Variants in PRKG2 observed in about 807,000 individuals in gnomAD.
The protein encoded by PRKG2 is protein kinase cGMP-dependent 2.
A neutral mutation model predicts 97.2 loss-of-function variants in PRKG2; 33 were observed. The ratio of observed to expected loss-of-function variants is 0.34; its 90% CI spans 0.26 to 0.45. The LOEUF (loss-of-function observed/expected upper bound fraction) is 0.45, where lower values mean the gene tolerates loss of function less well. Among genes scored for constraint, PRKG2 ranks in the 20% least tolerant of loss-of-function variants. The pLI, the probability that PRKG2 is intolerant of heterozygous loss-of-function variation, is 1.00. For synonymous variants in PRKG2, 330 were observed against 321.8 expected, an observed-to-expected ratio of 1.03 and a Z score of -0.27; for missense variants, 638 against 900.0, an observed-to-expected ratio of 0.71 and a Z score of 3.73.
At chr4:81,121,951 A>G (rs1044041292) in intron 14 of PRKG2, among the ~76,000 whole-genome samples, 1 of 152,190 alleles carries the variant, frequency 6.6e-6, no homozygotes, top group Admixed American at 6.5e-5. Context: ...CTTATACTCA[A>G]TATAAGTAAG....
chr4:81,163,849 A>G (rs1228014912), intron 6 of PRKG2, among the ~76,000 whole-genome samples: 1 of 146,262 alleles, frequency 6.8e-6, no homozygotes, highest in Non-Finnish European at 1.5e-5. Flanking sequence ...GATGATATAC[A>G]ACCAGATGTA....
At chr4:81,095,661 C>A (rs573912882) in intron 17 of PRKG2, among the ~76,000 whole-genome samples, 1 of 152,142 alleles carries the variant, frequency 6.6e-6, no homozygotes, top group African/African-American at 2.4e-5. Context: ...GTAATGCAAG[C>A]GCCAGCATGC....
At chr4:81,098,987 G>C (rs1475507934) in intron 17 of PRKG2, among the ~76,000 whole-genome samples, 2 of 152,118 alleles carry the variant, frequency 1.3e-5, no homozygotes, top group East Asian at 3.9e-4. Flanking sequence ...AGTAAGTAAA[G>C]CAAAGTGGGA....
At chr4:81,169,525 C>T in intron 5 of PRKG2, 138 bp downstream of exon 5, 1 of 651,228 alleles carries the variant, frequency 1.5e-6, no homozygotes, top group Non-Finnish European at 2.6e-6. Context: ...TTACTGCAAG[C>T]AATGTTCCTT....
At chr4:81,171,636 ATTATCT>A (rs1385859983) in intron 4 of PRKG2, 49 bp downstream of exon 4, 10 of 1,385,606 alleles carry the variant, frequency 7.2e-6, no homozygotes, top group Middle Eastern at 3.7e-4. Context: ...ACTGGACTAG[ATTATCT>A]TTAACATGCC....
chr4:81,117,659 TGGCG>T (rs1418592543), intron 14 of PRKG2, among the ~76,000 whole-genome samples: 5 of 152,214 alleles, frequency 3.3e-5, no homozygotes, highest in African/African-American at 4.8e-5. Flanking sequence ...TCTGGTAAAG[TGGCG>T]ATTTAGTAAA....
intron 2 of PRKG2, among the ~76,000 whole-genome samples, chr4:81,186,787 G>T (rs1578492546): frequency 6.6e-6 from 1 of 152,228 alleles, no homozygotes; most frequent in East Asian, 1.9e-4. Flanking sequence ...AAACGATAAA[G>T]GGGATATCAA....
At chr4:81,196,136 A>G (rs1752948074) in intron 2 of PRKG2, among the ~76,000 whole-genome samples, 1 of 152,198 alleles carries the variant, frequency 6.6e-6, no homozygotes, top group Non-Finnish European at 1.5e-5. Flanking sequence ...AGGAGCTGAG[A>G]GCAGCCCCAG....
At chr4:81,127,909 G>A (rs1352099084) in intron 14 of PRKG2, among the ~76,000 whole-genome samples, 2 of 152,030 alleles carry the variant, frequency 1.3e-5, no homozygotes, top group Non-Finnish European at 2.9e-5. Flanking sequence ...GTCTTCTGCT[G>A]GTTTTCAAAG....
At chr4:81,104,478 T>C (rs1173199406) in intron 16 of PRKG2, 46 bp from the exon 17 acceptor site, 1 of 882,086 alleles carries the variant, frequency 1.1e-6, no homozygotes, top group Non-Finnish European at 1.5e-6. Context: ...ATTATATTTA[T>C]AATAATTATA....
At chr4:81,089,970 C>A (rs1295506021) in intron 18 of PRKG2, among the ~76,000 whole-genome samples, 167 bp from the exon 19 acceptor site, 2 of 152,286 alleles carry the variant, frequency 1.3e-5, no homozygotes, top group Non-Finnish European at 2.9e-5. Flanking sequence ...CTAGTCTCAG[C>A]CTCATGAGAT....
intron 17 of PRKG2, among the ~76,000 whole-genome samples, chr4:81,095,155 G>C (rs1259034133): frequency 6.6e-6 from 1 of 152,146 alleles, no homozygotes; most frequent in East Asian, 1.9e-4. Flanking sequence ...TCTAAGCTTA[G>C]CAATAGAAAA....
At chr4:81,155,174 T>G (rs1748914842) in intron 6 of PRKG2, among the ~76,000 whole-genome samples, 1 of 67,466 alleles carries the variant, frequency 1.5e-5, no homozygotes, top group African/African-American at 5.0e-4. Flanking sequence ...CGAGACTCCG[T>G]CTCAAAAAAA....
At chr4:81,130,920 C>T (rs1314312678) in intron 14 of PRKG2, among the ~76,000 whole-genome samples, 1 of 152,168 alleles carries the variant, frequency 6.6e-6, no homozygotes, top group Non-Finnish European at 1.5e-5. Context: ...CTTGCTTGTC[C>T]CCATGGGGGT....
At chr4:81,138,251 G>C (rs183335845) in intron 12 of PRKG2, among the ~76,000 whole-genome samples, 242 of 152,292 alleles carry the variant, frequency 1.6e-3, no homozygotes, top group African/African-American at 5.6e-3. Context: ...GAAGCGGGAC[G>C]TAGGCAGGGC....
intron 13 of PRKG2, among the ~76,000 whole-genome samples, chr4:81,135,867 G>A (rs1746642152): frequency 6.6e-6 from 1 of 151,500 alleles, no homozygotes; most frequent in Non-Finnish European, 1.5e-5. Context: ...TTTGCCACAT[G>A]ATCTCACAGA....
intron 2 of PRKG2, among the ~76,000 whole-genome samples, chr4:81,189,715 A>G (rs1480171983): frequency 6.6e-6 from 1 of 151,664 alleles, no homozygotes; most frequent in Non-Finnish European, 1.5e-5. Flanking sequence ...TACATATGTA[A>G]CTAACCTGCA....
At chr4:81,113,588 C>T (rs1243693696) in intron 14 of PRKG2, among the ~76,000 whole-genome samples, 1 of 152,050 alleles carries the variant, frequency 6.6e-6, no homozygotes, top group Non-Finnish European at 1.5e-5. Context: ...GAAAAATTTG[C>T]ATTGTGGCTT....
At chr4:81,106,199 G>A (rs1743318256) in intron 15 of PRKG2, among the ~76,000 whole-genome samples, 1 of 152,054 alleles carries the variant, frequency 6.6e-6, no homozygotes, top group South Asian at 2.1e-4. Flanking sequence ...ATAAAGAAAG[G>A]GACAGAGAAG....
Sources: allele counts gnomAD v4.1 joint callset (sites outside exome capture counted in the v4.1 genomes callset), GRCh38; gene constraint gnomAD v4.1.1; transcripts MANE v1.5; gene names NCBI Gene and HGNC (gene_info 2026-07-23, HGNC 2026-07-21).